PINK1: variants seen among roughly 807,000 people sequenced by gnomAD.
PINK1 encodes PTEN induced kinase 1.
PINK1 carries 58 observed loss-of-function variants against 56.0 expected under a neutral mutation model. The ratio of observed to expected loss-of-function variants is 1.04; its 90% CI spans 0.84 to 1.29. PINK1 has a LOEUF of 1.29. PINK1 is among the 50% of genes most tolerant of loss of function. The pLI, the probability that PINK1 is intolerant of heterozygous loss-of-function variation, is 0.00. For synonymous variants in PINK1, 354 were observed against 339.3 expected, an observed-to-expected ratio of 1.04 and a Z score of -0.48; for missense variants, 745 against 777.9, an observed-to-expected ratio of 0.96 and a Z score of 0.50.
At chr1:20,648,389 C>G (rs1451495682) in intron 5 of PINK1, 116 bp from the exon 6 acceptor site, 2 of 1,493,030 alleles carry the variant, frequency 1.3e-6, no homozygotes, top group Non-Finnish European at 1.8e-6. Flanking sequence ...TGGGCCAACA[C>G]TGAGCCATTA....
chr1:20,644,556 C>G lies in PINK1; in HGVS notation c.843C>G (p.Phe281Leu), dbSNP rs2053153305. 1 of 1,614,258 alleles carries G rather than the reference C, an allele frequency of 6.2e-7. No individual in the cohort carries two copies. Among genetic ancestry groups the G allele is most frequent in the Non-Finnish European group, 8.5e-7 (1 of 1,180,044 alleles). The change falls in exon 4 of 8, where the codon TTC becomes TTG. Residue 281 changes from phenylalanine (F) to leucine (L), a missense_variant. Physicochemically the swap from Phe to Leu is conservative, Grantham distance 22. Transcript: ENST00000321556. ...HPNIIRVLRA[F>L]TSSVPLLPGA... ...ACATCATCCGGGTTCTCCGCGCCTTCACCTCTTCCGTGCCGCTGCTGCCAG... is the reference window on the plus strand; with the variant it reads ...ACATCATCCGGGTTCTCCGCGCCTTGACCTCTTCCGTGCCGCTGCTGCCAG...
chr1:20,647,155 C>T (rs551145265), intron 5 of PINK1, among the ~76,000 whole-genome samples: 57 of 149,100 alleles, frequency 3.8e-4, no homozygotes, highest in African/African-American at 1.4e-3. Context: ...CTCCCAGGTT[C>T]ACACCATTCT....
In PINK1 at chr1:20,651,072, G is replaced by A. The variant is rs2053266752; in HGVS notation, c.*381G>A. On this transcript the variant is annotated 3_prime_UTR_variant, in exon 8 of 8. Coordinates refer to ENST00000321556, the MANE Select transcript of PINK1 (RefSeq NM_032409.3). Reference sequence around the variant, plus strand: ...CGTAGCATGTCTGATTTGCCACCTGGATGAAGGCAGACATCAACATGGGTC... The same window carrying A: ...CGTAGCATGTCTGATTTGCCACCTGAATGAAGGCAGACATCAACATGGGTC... 3.0e-6 allele frequency: 1 copy of A among 328,656 alleles called. No homozygotes were observed. The highest frequency in any genetic ancestry group is 5.9e-6 in the Non-Finnish European group (1 of 170,240). The allele number at this position is 328,656 out of a possible 1,614,324, so 20.4% of individuals were successfully genotyped here.
At chr1:20,647,028 TGCCACCAC>T (rs1269394314) in intron 5 of PINK1, among the ~76,000 whole-genome samples, 2 of 147,930 alleles carry the variant, frequency 1.4e-5, no homozygotes, top group African/African-American at 5.0e-5. Context: ...TACAGGCAGG[TGCCACCAC>T]GCCTAGCTAA....
intron 1 of PINK1, among the ~76,000 whole-genome samples, chr1:20,636,267 A>G (rs997815297): frequency 6.6e-6 from 1 of 150,620 alleles, no homozygotes; most frequent in Non-Finnish European, 1.5e-5. Flanking sequence ...TATGTTCCAT[A>G]TAATAGTATA....
Position 20,651,261 on chromosome 1 carries a change from C to CCTGA in PINK1, c.*573_*576dup, listed in dbSNP as rs143763511. On this transcript the variant is annotated 3_prime_UTR_variant, in exon 8 of 8. Transcript: ENST00000321556. ...GGGATTTAAACTTGAGGGTTTCCCT[C>CCTGA]CTGACTAGCCTCTCTTACAGGAATT... 0.022 allele frequency: 3,593 copies of CCTGA among 166,750 alleles called. 122 individuals are homozygous for CCTGA. Among genetic ancestry groups the CCTGA allele is most frequent in the African/African-American group, 0.068 (2,862 of 41,854 alleles). 10.3% of individuals were successfully genotyped at this position (166,750 alleles called of 1,614,324 possible). A position where few individuals can be genotyped will look rare whatever the true frequency, so the allele number is the denominator to read the frequency against.
At chr1:20,640,677 A>G (rs1239991387) in intron 3 of PINK1, among the ~76,000 whole-genome samples, 1 of 152,202 alleles carries the variant, frequency 6.6e-6, no homozygotes, top group African/African-American at 2.4e-5. Flanking sequence ...AGAAAAGCCC[A>G]TGTCCACCAC....
rs755530256 is a variant in PINK1, at chr1:20,645,515, G to A, written c.960-45G>A. Reference sequence around the variant, plus strand: ...AAAAAAAAAAAAAAACGTATTGGGAGTCGTCGATGTGTGGTAGCCAGAGGC... The same window carrying A: ...AAAAAAAAAAAAAAACGTATTGGGAATCGTCGATGTGTGGTAGCCAGAGGC... On this transcript the variant is annotated intron_variant, in intron 4 of 7. Transcript: ENST00000321556. 7.7e-6 allele frequency: 12 copies of A among 1,559,208 alleles called. No homozygotes were observed. In the East Asian group the frequency reaches 2.7e-4, roughly 35 times the overall value.
At position 20,650,753 on chromosome 1, in the gene PINK1, C is replaced by T. The variant is rs994131018; in HGVS notation, c.*62C>T. 3.2e-6 allele frequency: 5 copies of T among 1,580,294 alleles called. No individual in the cohort carries two copies. In the African/African-American group the frequency reaches 6.7e-5, roughly 21 times the overall value. ...ATGGCATCCTCTGTGTCGTGATGGT[C>T]TGTGAATGGTGAGGGTGGGAGTCAG... On this transcript the variant is annotated 3_prime_UTR_variant, in exon 8 of 8. Transcript: ENST00000321556.
In PINK1 at chr1:20,641,969, C is replaced by T. The variant is rs2053119792; in HGVS notation, c.776+1977C>T. Among the ~76,000 whole-genome samples the T allele has an allele frequency of 6.6e-6, 1 of 152,172 alleles. No homozygotes were observed. The highest frequency in any genetic ancestry group is 2.4e-5 in the African/African-American group (1 of 41,434). The stretch of plus-strand genomic sequence containing the variant: ...TGAGCTCCCATGACACCTGCTGGGG[C>T]CCTGACAGCCTGGGGCTGTGATCAT... On this transcript the variant is annotated intron_variant, in intron 3 of 7. Transcript: ENST00000321556. The surrounding 1 kb of genome is among the most constrained non-coding windows in gnomAD (Gnocchi z 4.0).
intron 5 of PINK1, 29 bp from the exon 6 acceptor site, chr1:20,648,476 A>G: frequency 6.2e-7 from 1 of 1,613,796 alleles, no homozygotes; most frequent in South Asian, 1.1e-5. Flanking sequence ...AGGGGAGGAG[A>G]AATGGTCACT....
intron 3 of PINK1, among the ~76,000 whole-genome samples, chr1:20,644,276 G>A (rs947001481): frequency 2.0e-5 from 3 of 152,164 alleles, no homozygotes; most frequent in South Asian, 2.1e-4. Context: ...ACGGACAGAC[G>A]GATGGACAAA....
At position 20,633,717 on chromosome 1, in the gene PINK1, C is replaced by T. The variant is rs1057519104; in HGVS notation, c.169C>T (p.Arg57Cys). 7 of 1,528,054 alleles carry T rather than the reference C, an allele frequency of 4.6e-6. No individual in the cohort carries two copies. The highest frequency in any genetic ancestry group is 5.2e-6 in the Non-Finnish European group (6 of 1,143,242). 94.7% of individuals were successfully genotyped at this position (1,528,054 alleles called of 1,614,324 possible). Residue 57 changes from arginine (R) to cysteine (C), a missense_variant, in exon 1 of 8, where the codon CGC becomes TGC. By Grantham distance (180) the Arg-to-Cys change is radical. Transcript: ENST00000321556. ...GGCCGCAGGACCGGGCGCGGAGCCT[C>T]GCAGGGTCGGGCTCGGGCTCCCTAA... ...GWAAGPGAEP[R>C]RVGLGLPNRL...
rs1343579406 is a variant in PINK1, at chr1:20,645,735, C to G, written c.1123+12C>G. Reference sequence around the variant, plus strand: ...GGAGCTGGACCCAGGTAGGAACCTGCTGCACCATCAGAGCTCTCCAGGGGC... The same window carrying G: ...GGAGCTGGACCCAGGTAGGAACCTGGTGCACCATCAGAGCTCTCCAGGGGC... On this transcript the variant is annotated intron_variant, in intron 5 of 7. Coordinates refer to ENST00000321556, the MANE Select transcript of PINK1 (RefSeq NM_032409.3). The G allele has an allele frequency of 6.2e-7, 1 of 1,614,114 alleles. No individual in the cohort carries two copies. The highest frequency in any genetic ancestry group is 1.7e-4 in the Middle Eastern group (1 of 6,052).
chr1:20,644,585 C>T lies in PINK1; in HGVS notation c.872C>T (p.Ala291Val). 2.5e-6 allele frequency: 4 copies of T among 1,614,234 alleles called. No individual in the cohort carries two copies. The highest frequency in any genetic ancestry group is 2.5e-6 in the Non-Finnish European group (3 of 1,180,040). The change falls in exon 4 of 8, where the codon GCC (alanine) becomes GTC (valine). Residue 291 changes from alanine (A) to valine (V), a missense_variant. Coordinates refer to ENST00000321556, the MANE Select transcript of PINK1 (RefSeq NM_032409.3). ...FTSSVPLLPG[A>V]LVDYPDVLPS... ...TCTTCCGTGCCGCTGCTGCCAGGGG[C>T]CCTGGTCGACTACCCTGATGTGCTG...
rs1570409132 is a variant in PINK1 at position 20,650,436 on chromosome 1, A to C, written c.1491A>C (p.Arg497Ser). The change falls in exon 8 of 8, where the codon AGA becomes AGC. Residue 497 changes from arginine to serine, a missense_variant and splice_region_variant. By Grantham distance (110) the Arg-to-Ser change is moderately radical (BLOSUM62 -1). Transcript: ENST00000321556. ...RALLQREASK[R>S]PSARVAANVL... ...TACAGCTTCCCTTCCTGTTGCAGAG[A>C]CCATCTGCCCGAGTAGCCGCAAATG... The C allele has an allele frequency of 6.2e-7, 1 of 1,613,810 alleles. No individual in the cohort carries two copies. The highest frequency in any genetic ancestry group is 1.7e-5 in the Admixed American group (1 of 60,006).
intron 5 of PINK1, among the ~76,000 whole-genome samples, 193 bp downstream of exon 5, chr1:20,645,916 C>G (rs918256940): frequency 1.3e-5 from 2 of 152,040 alleles, no homozygotes; most frequent in Non-Finnish European, 2.9e-5. Context: ...AGAGACAGCA[C>G]TTCCCAAGTT....
chr1:20,646,862 CTTTATTTA>C (rs71010588), intron 5 of PINK1, among the ~76,000 whole-genome samples: 1 of 143,276 alleles, frequency 7.0e-6, no homozygotes, highest in Non-Finnish European at 1.5e-5. Context: ...TTTATTATTT[CTTTATTTA>C]TTTACTTATT....
At chr1:20,639,703 A>G (rs1203264593) in intron 2 of PINK1, 189 bp from the exon 3 acceptor site, 2 of 666,702 alleles carry the variant, frequency 3.0e-6, no homozygotes, top group Non-Finnish European at 5.5e-6. Flanking sequence ...GTTGGCATGG[A>G]TGGTACCTCT....
Sources: allele counts gnomAD v4.1 joint callset (sites outside exome capture counted in the v4.1 genomes callset), GRCh38; gene constraint gnomAD v4.1.1; non-coding constraint Gnocchi (gnomAD v3.1); transcripts MANE v1.5; gene names NCBI Gene and HGNC (gene_info 2026-07-23, HGNC 2026-07-21).